MTSS1: variants seen among roughly 807,000 people sequenced by gnomAD.
MTSS1 encodes the protein MTSS I-BAR domain containing 1, also known as protein MTSS 1.
MTSS1 carries 18 observed loss-of-function variants against 79.0 expected under a neutral mutation model. That is an observed-to-expected ratio of 0.23 (90% CI 0.16 to 0.34). The LOEUF is 0.34. Among genes scored for constraint, MTSS1 ranks in the 10% least tolerant of loss-of-function variants. MTSS1 has a pLI of 1.00. For missense variants in MTSS1, 815 were observed against 986.2 expected (o/e 0.83, Z 2.33); for synonymous variants, 341 against 368.6 (o/e 0.93, Z 0.86).
Position 124,591,156 on chromosome 8 carries a change from A to C in MTSS1, c.288T>G (p.Phe96Leu). ...HRSIEAKLRQ[F>L]SSALIDCLIN... ...GGCCAAAACATGCTCCTCACCTCGAAAACTGCCTCAGCTTGGCTTCAATGC... is the reference window on the plus strand; with the variant it reads ...GGCCAAAACATGCTCCTCACCTCGACAACTGCCTCAGCTTGGCTTCAATGC... Residue 96 changes from phenylalanine (F) to leucine (L), a missense_variant, in exon 4 of 14, where the codon TTT becomes TTG. This residue lies in a region of MTSS1 where 225 missense variants were observed against 365.4 expected (regional missense o/e 0.62). Transcript: ENST00000518547. The C allele has an allele frequency of 6.2e-7, 1 of 1,614,200 alleles. No individual in the cohort carries two copies. The highest frequency in any genetic ancestry group is 8.5e-7 in the Non-Finnish European group (1 of 1,180,004).
chr8:124,612,715 G>A (rs1322581387), intron 3 of MTSS1, among the ~76,000 whole-genome samples: 1 of 151,162 alleles, frequency 6.6e-6, no homozygotes, highest in Admixed American at 6.6e-5. Context: ...TTCATCACCA[G>A]GCAATACTAG....
At chr8:124,611,204 A>G (rs961641233) in intron 3 of MTSS1, among the ~76,000 whole-genome samples, 5 of 151,816 alleles carry the variant, frequency 3.3e-5, no homozygotes, top group Non-Finnish European at 7.4e-5. Flanking sequence ...CTTTTGAGAC[A>G]AATGCACATG....
chr8:124,609,500 A>C (rs1423663092), intron 3 of MTSS1, among the ~76,000 whole-genome samples: 1 of 152,196 alleles, frequency 6.6e-6, no homozygotes, highest in Non-Finnish European at 1.5e-5. Flanking sequence ...TGGTATAAAA[A>C]GGTGGGCAAG....
chr8:124,568,370 T>C lies in MTSS1; in HGVS notation c.618+9A>G. 6.2e-7 allele frequency: 1 copy of C among 1,609,976 alleles called. No individual in the cohort carries two copies. Among genetic ancestry groups the C allele is most frequent in the Non-Finnish European group, 8.5e-7 (1 of 1,176,938 alleles). On this transcript the variant is annotated intron_variant, in intron 7 of 13. Transcript: ENST00000518547. ...AGTTTAAACCTTCTGGAGTTTTCCA[T>C]TAACTTACAATCACTGGCCGCAGCA...
At chr8:124,719,373 G>C (rs1468867677) in intron 1 of MTSS1, among the ~76,000 whole-genome samples, 5 of 152,196 alleles carry the variant, frequency 3.3e-5, no homozygotes, top group African/African-American at 9.7e-5. Context: ...TTCCGAGCGA[G>C]GGTGTCACCC....
chr8:124,696,668 T>A (rs1828876675), intron 3 of MTSS1, among the ~76,000 whole-genome samples: 1 of 151,978 alleles, frequency 6.6e-6, no homozygotes, highest in Admixed American at 6.6e-5. Flanking sequence ...CTGGCCAACA[T>A]GACGAAACCC....
chr8:124,675,940 C>T (rs766718605), intron 3 of MTSS1, among the ~76,000 whole-genome samples: 2 of 152,132 alleles, frequency 1.3e-5, no homozygotes, highest in South Asian at 2.1e-4. Context: ...AATAATGTTG[C>T]GGTAGACATT....
At chr8:124,556,559 G>GA in intron 11 of MTSS1, 154 bp from the exon 12 acceptor site, 1 of 794,620 alleles carries the variant, frequency 1.3e-6, no homozygotes, top group Non-Finnish European at 1.9e-6. Flanking sequence ...GCCCTCTCCA[G>GA]GCTCTAAAGG....
At chr8:124,696,676 C>A (rs1293009808) in intron 3 of MTSS1, among the ~76,000 whole-genome samples, 2 of 151,964 alleles carry the variant, frequency 1.3e-5, no homozygotes, top group African/African-American at 2.4e-5. Context: ...CATGACGAAA[C>A]CCTGTCTCTA....
chr8:124,692,831 C>G (rs570453152), intron 3 of MTSS1, among the ~76,000 whole-genome samples: 2 of 152,052 alleles, frequency 1.3e-5, no homozygotes, highest in Non-Finnish European at 2.9e-5. Context: ...ACTGTTTGCA[C>G]GCAGTCGTTC....
At chr8:124,571,161 A>C (rs1193955537) in intron 6 of MTSS1, among the ~76,000 whole-genome samples, 1 of 152,206 alleles carries the variant, frequency 6.6e-6, no homozygotes, top group East Asian at 1.9e-4. Flanking sequence ...AGAAACCTGT[A>C]AAAACATTCT....
At chr8:124,661,921 G>A (rs993268661) in intron 3 of MTSS1, among the ~76,000 whole-genome samples, 1 of 152,132 alleles carries the variant, frequency 6.6e-6, no homozygotes, top group African/African-American at 2.4e-5. Flanking sequence ...TCATCTTCAC[G>A]TCCTTTGTGT....
chr8:124,584,737 A>C (rs573258707), intron 6 of MTSS1, among the ~76,000 whole-genome samples: 58 of 152,350 alleles, frequency 3.8e-4, no homozygotes, highest in African/African-American at 1.3e-3. Context: ...AAAATGACAT[A>C]ATTTCTGTAA....
chr8:124,672,782 C>A (rs1187629010), intron 3 of MTSS1, among the ~76,000 whole-genome samples: 1 of 152,020 alleles, frequency 6.6e-6, no homozygotes, highest in African/African-American at 2.4e-5. Flanking sequence ...TGCATTTCAG[C>A]CTGGGAAACA....
At chr8:124,698,133 A>G (rs1829144687) in intron 3 of MTSS1, 1 of 152,214 alleles carries the variant, frequency 6.6e-6, no homozygotes, top group African/African-American at 2.4e-5. Flanking sequence ...TTGTGGTCCC[A>G]TGATAGTGCC....
rs956194033 is a variant in MTSS1, at chr8:124,551,659, T to G, written c.*1333A>C. On this transcript the variant is annotated 3_prime_UTR_variant, in exon 14 of 14. Transcript: ENST00000518547. ...ACTATTGTCTTCAAATGTGATCCCT[T>G]TAAATCTACAAATCTCTGTTGGCTT... 2.0e-5 allele frequency: 3 copies of G among 152,356 alleles called. No individual in the cohort carries two copies. Among genetic ancestry groups the G allele is most frequent in the Admixed American group, 2.0e-4 (3 of 15,284 alleles). The allele number at this position is 152,356 out of a possible 1,614,324, so 9.4% of individuals were successfully genotyped here.
intron 3 of MTSS1, among the ~76,000 whole-genome samples, chr8:124,655,919 A>C (rs1563941812): frequency 6.6e-6 from 1 of 152,244 alleles, no homozygotes; most frequent in Non-Finnish European, 1.5e-5. Context: ...AGGGGAACAG[A>C]AGCTGGAAAG....
chr8:124,595,923 A>C (rs956760665), intron 3 of MTSS1, among the ~76,000 whole-genome samples: 6 of 152,050 alleles, frequency 3.9e-5, no homozygotes, highest in African/African-American at 1.5e-4. Context: ...AGACATGGAG[A>C]GGAGGCTGCT....
rs555501751 is a variant in MTSS1 at position 124,560,914 on chromosome 8, A to T, written c.1035+1868T>A. On this transcript the variant is annotated intron_variant, in intron 10 of 13. Coordinates refer to ENST00000518547, the MANE Select transcript of MTSS1 (RefSeq NM_014751.6). ...TCGGCTTTCATCTCAGACCTGTGTT[A>T]CTCAGTAGAGAAATGAAGGGCTCCT... is the stretch of plus-strand genomic sequence containing the variant. Among the ~76,000 whole-genome samples, 4 of 152,192 alleles carry T rather than the reference A, an allele frequency of 2.6e-5. No homozygotes were observed. The South Asian group carries it at 8.3e-4, about 32-fold the overall frequency.
Sources: gnomAD v4.1 joint callset for allele counts (sites outside exome capture counted in the v4.1 genomes callset) on GRCh38, gnomAD v4.1.1 for gene constraint, gnomAD v4.1.1 regional missense constraint, MANE v1.5 for transcripts, NCBI Gene and HGNC (gene_info 2026-07-23, HGNC 2026-07-21) for gene names.